PAXX: variants seen among roughly 807,000 people sequenced by gnomAD.
PAXX encodes the protein PAXX non-homologous end joining factor.
PAXX carries 27 observed loss-of-function variants against 25.6 expected under a neutral mutation model. The ratio of observed to expected loss-of-function variants is 1.06; its 90% CI spans 0.78 to 1.46. PAXX has a LOEUF of 1.46. PAXX is among the 40% of genes most tolerant of loss of function. PAXX has a pLI of 0.00. For missense variants in PAXX, 295 were observed against 280.2 expected, an observed-to-expected ratio of 1.05 and a Z score of -0.38; for synonymous variants, 126 against 125.7, an observed-to-expected ratio of 1.00 and a Z score of -0.02.
At position 136,993,913 on chromosome 9, in the gene PAXX, G is replaced by A. The variant is rs1433574986; in HGVS notation, c.*108G>A. On this transcript the variant is annotated 3_prime_UTR_variant, in exon 7 of 7. Coordinates refer to ENST00000371620, the MANE Select transcript of PAXX (RefSeq NM_183241.3). Reference sequence around the variant, plus strand: ...GCCACCACCTCCACCTGCCTGTCCTGGGCCAGGACTAACACGGCTCCTCAA... The same window carrying A: ...GCCACCACCTCCACCTGCCTGTCCTAGGCCAGGACTAACACGGCTCCTCAA... The A allele has an allele frequency of 5.4e-6, 6 of 1,102,190 alleles. No homozygotes were observed. The highest frequency in any genetic ancestry group is 1.5e-5 in the African/African-American group (1 of 64,558). The allele number at this position is 1,102,190 out of a possible 1,614,324, so 68.3% of individuals were successfully genotyped here.
chr9:136,993,691 G>A (rs373798874), intron 6 of PAXX, 27 bp downstream of exon 6: 15 of 1,613,236 alleles, frequency 9.3e-6, no homozygotes, highest in East Asian at 2.2e-5. Context: ...CCCTTCCTGC[G>A]CCCAGGGTCC....
In PAXX at chr9:136,993,692, C is replaced by T. The variant is rs137992888; in HGVS notation, c.575+28C>T. 8.2e-4 allele frequency: 1,329 copies of T among 1,613,280 alleles called. 4 individuals carry two copies. In the Middle Eastern group the frequency reaches 0.014, roughly 17 times the overall value. On this transcript the variant is annotated intron_variant, in intron 6 of 6. Coordinates refer to ENST00000371620, the MANE Select transcript of PAXX (RefSeq NM_183241.3). ...ACCCTCCCACAGCCCCCTTCCTGCGCCCAGGGTCCAATCCTGGACCCCACC... is the reference window on the plus strand; with the variant it reads ...ACCCTCCCACAGCCCCCTTCCTGCGTCCAGGGTCCAATCCTGGACCCCACC...
At chr9:136,993,544 A>G (rs1250928061) in intron 5 of PAXX, 36 bp from the exon 6 acceptor site, 1 of 1,610,276 alleles carries the variant, frequency 6.2e-7, no homozygotes, top group Non-Finnish European at 8.5e-7. Context: ...GGATGCTGCC[A>G]GGTTCAGGAG....
chr9:136,992,901 G>A, intron 2 of PAXX, 24 bp from the exon 3 acceptor site: 1 of 1,613,300 alleles, frequency 6.2e-7, no homozygotes, highest in Non-Finnish European at 8.5e-7. Context: ...CAGGCAGCTC[G>A]TGACAAGCCC....
At chr9:136,992,737 C>G in intron 2 of PAXX, 37 bp downstream of exon 2, 1 of 1,545,254 alleles carries the variant, frequency 6.5e-7, no homozygotes, top group South Asian at 1.2e-5. Context: ...CGCCACACCC[C>G]TCCTTGCAGT....
Position 136,993,112 on chromosome 9 carries a change from C to G in PAXX, c.290C>G (p.Thr97Arg). 1 of 1,605,208 alleles carries G rather than the reference C, an allele frequency of 6.2e-7. No individual in the cohort carries two copies. Among genetic ancestry groups the G allele is most frequent in the Non-Finnish European group, 8.5e-7 (1 of 1,175,974 alleles). The change falls in exon 4 of 7, where the codon ACG becomes AGG. Residue 97 changes from threonine to arginine, a missense_variant. Thr to Arg is a moderately conservative substitution (Grantham distance 71, BLOSUM62 -1). Transcript: ENST00000371620. The part of the protein sequence containing the change: ...LTLQEDRASL[T>R]LSGGPSALAF... ...CTGCAGGAGGACAGAGCATCCCTGA[C>G]GCTTTCAGGGGGGCCCTCGGCACTG...
Position 136,993,749 on chromosome 9 carries a change from C to T in PAXX, c.576-17C>T, listed in dbSNP as rs528797281. ...TCCACACCATAGTGCCATAGTGACA[C>T]CCCTCTTCCCTCCCAGTAAGAAACC... On this transcript the variant is annotated splice_polypyrimidine_tract_variant and intron_variant, in intron 6 of 6. Coordinates refer to ENST00000371620, the MANE Select transcript of PAXX (RefSeq NM_183241.3). The T allele has an allele frequency of 6.2e-7, 1 of 1,613,974 alleles. No individual in the cohort carries two copies. Among genetic ancestry groups the T allele is most frequent in the Non-Finnish European group, 8.5e-7 (1 of 1,179,994 alleles).
chr9:136,992,425 T>G lies in PAXX; in HGVS notation c.-19T>G. The G allele has an allele frequency of 9.0e-7, 1 of 1,105,062 alleles. No individual in the cohort carries two copies. The highest frequency in any genetic ancestry group is 3.1e-4 in the Middle Eastern group (1 of 3,200). The allele number at this position is 1,105,062 out of a possible 1,614,324, so 68.5% of individuals were successfully genotyped here. ...GGCGCCCAAGCCCCGCCCCGCCGGG[T>G]TCCCGCTCGCCCGGCGCCATGGATC... On this transcript the variant is annotated 5_prime_UTR_variant, in exon 1 of 7. Coordinates refer to ENST00000371620, the MANE Select transcript of PAXX (RefSeq NM_183241.3).
rs1830598669 is a variant in PAXX at position 136,992,503 on chromosome 9, C to T, written c.60C>T (p.Phe20=). Residue 20 remains phenylalanine, a synonymous_variant, in exon 1 of 7, where the codon TTC becomes TTT. Coordinates refer to ENST00000371620, the MANE Select transcript of PAXX (RefSeq NM_183241.3). ...TLPPGPEPPR[F]VCYCEGEESG... is the part of the protein sequence containing the mutation. ...CGCCGGGCCCCGAGCCGCCCCGCTT[C>T]GTGTGCTACTGCGAAGGGGAGGAAA... The T allele has an allele frequency of 7.1e-7, 1 of 1,411,390 alleles. No individual in the cohort carries two copies. The highest frequency in any genetic ancestry group is 9.3e-7 in the Non-Finnish European group (1 of 1,079,630). The allele number at this position is 1,411,390 out of a possible 1,614,324, so 87.4% of individuals were successfully genotyped here. A position where few individuals can be genotyped will look rare whatever the true frequency, so the allele number is the denominator to read the frequency against.
rs1447579753 is a variant in PAXX, at chr9:136,993,402, T to A, written c.481T>A (p.Phe161Ile). Residue 161 changes from phenylalanine to isoleucine, a missense_variant, in exon 5 of 7, where the codon TTC (phenylalanine) becomes ATC (isoleucine). Physicochemically the swap from Phe to Ile is conservative, Grantham distance 21 (BLOSUM62 0). Transcript: ENST00000371620. The part of the protein sequence containing the change: ...KSPRPAGPQL[F>I]LPDPDPQRGG... ...CCCCCGGCCTGCAGGGCCTCAGCTC[T>A]TCTTACCAGGTAAGGCATGTCCGCC... 1.2e-6 allele frequency: 2 copies of A among 1,606,448 alleles called. No homozygotes were observed. The highest frequency in any genetic ancestry group is 1.7e-5 in the Admixed American group (1 of 59,198).
At position 136,992,520 on chromosome 9, in the gene PAXX, G is replaced by T; in HGVS notation, c.77G>T (p.Gly26Val). The T allele has an allele frequency of 6.9e-7, 1 of 1,448,480 alleles. No homozygotes were observed. The allele number at this position is 1,448,480 out of a possible 1,614,324, so 89.7% of individuals were successfully genotyped here. A position where few individuals can be genotyped will look rare whatever the true frequency, so the allele number is the denominator to read the frequency against. Residue 26 changes from glycine (G) to valine (V), a missense_variant, in exon 1 of 7, where the codon GGG becomes GTG. Physicochemically the swap from Gly to Val is moderately radical, Grantham distance 109. Coordinates refer to ENST00000371620, the MANE Select transcript of PAXX (RefSeq NM_183241.3). ...CCCCGCTTCGTGTGCTACTGCGAAG[G>T]GGAGGAAAGCGGGGAGGGGGACCGC... is the stretch of plus-strand genomic sequence containing the variant. Reference protein sequence around the residue: ...EPPRFVCYCEGEESGEGDRGG... With the variant: ...EPPRFVCYCEVEESGEGDRGG...
At position 136,993,427 on chromosome 9, in the gene PAXX, C is replaced by G. The variant is rs1263223180; in HGVS notation, c.490+16C>G. 1 of 1,603,790 alleles carries G rather than the reference C, an allele frequency of 6.2e-7. No homozygotes were observed. Among genetic ancestry groups the G allele is most frequent in the Non-Finnish European group, 8.5e-7 (1 of 1,174,522 alleles). ...TTCTTACCAGGTAAGGCATGTCCGC[C>G]TGTGACTCAAGTAGGGCTGTGCTCT... is the stretch of plus-strand genomic sequence containing the variant. On this transcript the variant is annotated intron_variant, in intron 5 of 6. Coordinates refer to ENST00000371620, the MANE Select transcript of PAXX (RefSeq NM_183241.3).
chr9:136,993,299 C>T lies in PAXX; in HGVS notation c.422-44C>T, dbSNP rs200249254. 8.8e-4 allele frequency: 1,388 copies of T among 1,584,166 alleles called. 5 individuals are homozygous for T. The highest frequency in any genetic ancestry group is 5.0e-4 in the Middle Eastern group (3 of 5,950). ...CACTGGGGTCCCCTGCTCTTGCCCC[C>T]ACTCCTGGCACTGAGTGGGGTTCCC... On this transcript the variant is annotated intron_variant, in intron 4 of 6. Coordinates refer to ENST00000371620, the MANE Select transcript of PAXX (RefSeq NM_183241.3).
rs891787821 is a variant in PAXX at position 136,992,481 on chromosome 9, C to T, written c.38C>T (p.Pro13Leu). ...PLSPPLCTLP[P>L]GPEPPRFVCY... ...TCGCCGCCGCTCTGCACGCTGCCGC[C>T]GGGCCCCGAGCCGCCCCGCTTCGTG... is the stretch of plus-strand genomic sequence containing the variant. The change falls in exon 1 of 7, where the codon CCG (proline) becomes CTG (leucine). Residue 13 changes from proline (P) to leucine (L), a missense_variant. Transcript: ENST00000371620. 5.0e-6 allele frequency: 7 copies of T among 1,387,478 alleles called. No individual in the cohort carries two copies. The highest frequency in any genetic ancestry group is 6.6e-6 in the Non-Finnish European group (7 of 1,067,072). The allele number at this position is 1,387,478 out of a possible 1,614,324, so 85.9% of individuals were successfully genotyped here. A position where few individuals can be genotyped will look rare whatever the true frequency, so the allele number is the denominator to read the frequency against.
chr9:136,992,766 G>C (rs541557085), intron 2 of PAXX, 66 bp downstream of exon 2: 45 of 1,563,680 alleles, frequency 2.9e-5, no homozygotes, highest in Non-Finnish European at 6.1e-6. Context: ...TCTATGGGGC[G>C]ACAGACATCT....
rs751926978 is a variant in PAXX at position 136,993,190 on chromosome 9, C to T, written c.368C>T (p.Ala123Val). The change falls in exon 4 of 7, where the codon GCG (alanine) becomes GTG (valine). Residue 123 changes from alanine to valine, a missense_variant. Transcript: ENST00000371620. ...CCAGAGGCAGCCCCCAGGCTGCGGGCGCTGACACTGGGCCTGGCAAAACGC... is the reference window on the plus strand; with the variant it reads ...CCAGAGGCAGCCCCCAGGCTGCGGGTGCTGACACTGGGCCTGGCAAAACGC... The part of the protein sequence containing the change: ...PGPEAAPRLR[A>V]LTLGLAKRVW... 15 of 1,545,702 alleles carry T rather than the reference C, an allele frequency of 9.7e-6. No individual in the cohort carries two copies. The highest frequency in any genetic ancestry group is 8.1e-5 in the Admixed American group (4 of 49,464).
At position 136,993,038 on chromosome 9, in the gene PAXX, C is replaced by CCT. The variant is rs1466731164; in HGVS notation, c.231-11_231-10dup. ...GGAGGGTCTGCCACAGCTCTCCGCA[C>CCT]CTCTCCTCTCCCAGGGCAGCCTGTG... On this transcript the variant is annotated splice_polypyrimidine_tract_variant and intron_variant, in intron 3 of 6. Transcript: ENST00000371620. 1 of 1,612,648 alleles carries CCT rather than the reference C, an allele frequency of 6.2e-7. No individual in the cohort carries two copies. The highest frequency in any genetic ancestry group is 8.5e-7 in the Non-Finnish European group (1 of 1,179,962).
rs769498857 is a variant in PAXX at position 136,993,125 on chromosome 9, G to A, written c.303G>A (p.Gly101=). The change falls in exon 4 of 7, where the codon GGG becomes GGA. Residue 101 remains glycine (G), a synonymous_variant. Transcript: ENST00000371620. ...GAGCATCCCTGACGCTTTCAGGGGG[G>A]CCCTCGGCACTGGCCTTTGACCTCT... ...EDRASLTLSG[G]PSALAFDLSK... The A allele has an allele frequency of 1.1e-5, 18 of 1,601,166 alleles. No homozygotes were observed. Among genetic ancestry groups the A allele is most frequent in the Middle Eastern group, 1.7e-4 (1 of 6,010 alleles).
In PAXX at chr9:136,992,713, G is replaced by A. The variant is rs1367837196; in HGVS notation, c.180+13G>A. The A allele has an allele frequency of 6.5e-7, 1 of 1,541,068 alleles. No homozygotes were observed. The highest frequency in any genetic ancestry group is 8.7e-7 in the Non-Finnish European group (1 of 1,147,206). ...CCTGGCGGCCCTCGTGGGTAACTGG[G>A]CGGGTCTGGGAGCCGCCACACCCCT... On this transcript the variant is annotated intron_variant, in intron 2 of 6. Transcript: ENST00000371620.
Sources: allele counts gnomAD v4.1 joint callset, GRCh38; gene constraint gnomAD v4.1.1; transcripts MANE v1.5; gene names NCBI Gene and HGNC (gene_info 2026-07-23, HGNC 2026-07-21).